Variants in PDE6D observed in about 807,000 individuals in gnomAD.
The protein encoded by PDE6D is phosphodiesterase 6D, also known as retinal rod rhodopsin-sensitive cGMP 3',5'-cyclic phosphodiesterase subunit delta.
A neutral mutation model predicts 21.9 loss-of-function variants in PDE6D; 10 were observed. That is an observed-to-expected ratio of 0.46 (90% CI 0.28 to 0.78). The LOEUF (loss-of-function observed/expected upper bound fraction) is 0.78. PDE6D is among the 30% of genes least tolerant of loss of function. PDE6D has a pLI of 0.12. For missense variants in PDE6D, 139 were observed against 184.8 expected, an observed-to-expected ratio of 0.75 and a Z score of 1.44; for synonymous variants, 59 against 63.5, an observed-to-expected ratio of 0.93 and a Z score of 0.34.
At chr2:231,768,391 TTTG>T (rs1217496474) in intron 1 of PDE6D, among the ~76,000 whole-genome samples, 16 of 152,024 alleles carry the variant, frequency 1.1e-4, no homozygotes, top group East Asian at 9.7e-4. Context: ...TGATAATCCT[TTTG>T]TTGTTGTTGT....
At position 231,781,130 on chromosome 2, in the gene PDE6D, G is replaced by A; in HGVS notation, c.-16C>T. 1 of 1,610,048 alleles carries A rather than the reference G, an allele frequency of 6.2e-7. No homozygotes were observed. Among genetic ancestry groups the A allele is most frequent in the Non-Finnish European group, 8.5e-7 (1 of 1,178,810 alleles). ...TGGCTGACATGATGCGGCGGTCGCC[G>A]CCCGCGGCTTTCTCACTCTGGTCGG... is the stretch of plus-strand genomic sequence containing the variant. On this transcript the variant is annotated 5_prime_UTR_variant, in exon 1 of 5. Coordinates refer to ENST00000287600, the MANE Select transcript of PDE6D (RefSeq NM_002601.4).
intron 2 of PDE6D, 44 bp from the exon 3 acceptor site, chr2:231,738,182 C>CTT: frequency 6.3e-7 from 1 of 1,580,864 alleles, no homozygotes; most frequent in Non-Finnish European, 8.6e-7. Context: ...TAAATGAAAA[C>CTT]CACAGGACTA....
At chr2:231,766,871 A>G (rs537182934) in intron 1 of PDE6D, among the ~76,000 whole-genome samples, 1 of 152,078 alleles carries the variant, frequency 6.6e-6, no homozygotes, top group South Asian at 2.1e-4. Flanking sequence ...GCATGCCTGT[A>G]ATCCCAGCTA....
intron 1 of PDE6D, among the ~76,000 whole-genome samples, chr2:231,757,685 T>G (rs1389800296): frequency 6.6e-6 from 1 of 152,236 alleles, no homozygotes; most frequent in Non-Finnish European, 1.5e-5. Context: ...TTAAACAATA[T>G]AAAAGCCTAT....
chr2:231,763,383 A>T (rs180726299), intron 1 of PDE6D, among the ~76,000 whole-genome samples: 8 of 152,212 alleles, frequency 5.3e-5, no homozygotes, highest in Middle Eastern at 3.4e-3. Flanking sequence ...AATCATTCCA[A>T]TCGTCTCATT....
chr2:231,771,662 G>C (rs1416886449), intron 1 of PDE6D, among the ~76,000 whole-genome samples: 1 of 152,078 alleles, frequency 6.6e-6, no homozygotes, highest in Admixed American at 6.5e-5. Context: ...TGCTCTCCTT[G>C]ACTCTGAATC....
intron 1 of PDE6D, among the ~76,000 whole-genome samples, chr2:231,752,240 GA>G (rs67071088): frequency 0.33 from 50,656 of 152,098 alleles, 8,864 homozygotes; most frequent in African/African-American, 0.44. Context: ...AAAGCTGAGA[GA>G]GGGGAAAATA....
At chr2:231,738,950 T>C in intron 2 of PDE6D, 150 bp downstream of exon 2, 1 of 381,204 alleles carries the variant, frequency 2.6e-6, no homozygotes, top group South Asian at 3.5e-5. Flanking sequence ...AAAAAGAAAG[T>C]AACTGAAACT....
At chr2:231,780,270 G>A (rs940981140) in intron 1 of PDE6D, among the ~76,000 whole-genome samples, 1 of 152,132 alleles carries the variant, frequency 6.6e-6, no homozygotes, top group Non-Finnish European at 1.5e-5. Context: ...ACCACAGCTA[G>A]GCATAACCGC....
chr2:231,758,839 C>T lies in PDE6D; in HGVS notation c.51-19651G>A, dbSNP rs139564345. Among the ~76,000 whole-genome samples the T allele has an allele frequency of 2.6e-5, 4 of 152,212 alleles. No individual in the cohort carries two copies. In the East Asian group the frequency reaches 7.7e-4, roughly 29 times the overall value. On this transcript the variant is annotated intron_variant, in intron 1 of 4. Coordinates refer to ENST00000287600, the MANE Select transcript of PDE6D (RefSeq NM_002601.4). ...TGAGATTTTGCATTTCTAACTAGCTCCCTGATGATGCCAATGCTACTGCCC... is the reference window on the plus strand; with the variant it reads ...TGAGATTTTGCATTTCTAACTAGCTTCCTGATGATGCCAATGCTACTGCCC...
intron 1 of PDE6D, among the ~76,000 whole-genome samples, chr2:231,757,448 C>T (rs1239778006): frequency 5.3e-5 from 8 of 152,272 alleles, no homozygotes; most frequent in South Asian, 2.1e-4. Context: ...TAGGAGCGTG[C>T]GACCACGCCC....
chr2:231,756,996 T>C (rs1210735544), intron 1 of PDE6D, among the ~76,000 whole-genome samples: 1 of 152,196 alleles, frequency 6.6e-6, no homozygotes, highest in Non-Finnish European at 1.5e-5. Context: ...CTCACTCCTG[T>C]TGCCCAGGCT....
chr2:231,746,466 C>T (rs2048794911), intron 1 of PDE6D, among the ~76,000 whole-genome samples: 1 of 152,070 alleles, frequency 6.6e-6, no homozygotes, highest in African/African-American at 2.4e-5. Context: ...TACATGTGCT[C>T]CAAGATAATT....
At position 231,739,082 on chromosome 2, in the gene PDE6D, TA is replaced by T; in HGVS notation, c.139+17del. 3.9e-6 allele frequency: 6 copies of T among 1,549,892 alleles called. No individual in the cohort carries two copies. The highest frequency in any genetic ancestry group is 5.3e-6 in the Non-Finnish European group (6 of 1,121,638). On this transcript the variant is annotated intron_variant, in intron 2 of 4. Coordinates refer to ENST00000287600, the MANE Select transcript of PDE6D (RefSeq NM_002601.4). The surrounding 1 kb of genome is among the most constrained non-coding windows in gnomAD (Gnocchi z 4.2). ...GGCATTGGTCACAGCCCTGTGTAGA[TA>T]AAGGGTTGGAAAGTACCTTCATGCT...
intron 1 of PDE6D, among the ~76,000 whole-genome samples, chr2:231,756,833 C>T (rs1460527344): frequency 6.6e-6 from 1 of 150,710 alleles, no homozygotes; most frequent in East Asian, 1.9e-4. Context: ...GGTGAAGCAT[C>T]TTCTGAGAAA....
At chr2:231,755,302 A>T (rs1212315394) in intron 1 of PDE6D, among the ~76,000 whole-genome samples, 2 of 152,182 alleles carry the variant, frequency 1.3e-5, no homozygotes, top group Non-Finnish European at 2.9e-5. Flanking sequence ...GCTTTTTTTC[A>T]TAATGAAATA....
intron 4 of PDE6D, 127 bp from the exon 5 acceptor site, chr2:231,733,160 C>CT (rs1329039974): frequency 9.1e-6 from 6 of 662,928 alleles, no homozygotes; most frequent in African/African-American, 7.2e-5. Flanking sequence ...AGAGTCTTAG[C>CT]TTGGGGACAT....
chr2:231,780,688 C>T (rs1422951210), intron 1 of PDE6D, among the ~76,000 whole-genome samples: 2 of 152,166 alleles, frequency 1.3e-5, no homozygotes, highest in East Asian at 3.9e-4. Context: ...GCCCACCGCG[C>T]CCCCTCAGCC....
At chr2:231,743,695 G>T (rs1222136929) in intron 1 of PDE6D, among the ~76,000 whole-genome samples, 1 of 149,474 alleles carries the variant, frequency 6.7e-6, no homozygotes, top group East Asian at 1.9e-4. Context: ...CCTTCCTCTG[G>T]TTCATATTTT....
Sources: gnomAD v4.1 joint callset for allele counts (sites outside exome capture counted in the v4.1 genomes callset) on GRCh38, gnomAD v4.1.1 for gene constraint, Gnocchi (gnomAD v3.1) non-coding constraint, MANE v1.5 for transcripts, NCBI Gene and HGNC (gene_info 2026-07-23, HGNC 2026-07-21) for gene names.